Variants in AP2B1 observed in about 807,000 individuals in gnomAD.
The protein encoded by AP2B1 is adaptor related protein complex 2 subunit beta 1, also known as AP-2 complex subunit beta.
AP2B1 carries 23 observed loss-of-function variants against 102.0 expected under a neutral mutation model. That is an observed-to-expected ratio of 0.23 (90% confidence interval 0.16 to 0.32). The LOEUF (loss-of-function observed/expected upper bound fraction) is 0.32, where lower values mean the gene tolerates loss of function less well. Among genes scored for constraint, AP2B1 ranks in the 10% least tolerant of loss-of-function variants. The pLI is 1.00. For synonymous variants in AP2B1, 381 were observed against 421.2 expected (o/e 0.90, Z 1.17); for missense variants, 541 against 1,157.4 (o/e 0.47, Z 7.73).
In AP2B1 at chr17:35,726,108, C is replaced by T. The variant is rs892625169; in HGVS notation, c.*2409C>T. 1 of 152,186 alleles carries T rather than the reference C, an allele frequency of 6.6e-6. No homozygotes were observed. Among genetic ancestry groups the T allele is most frequent in the Non-Finnish European group, 1.5e-5 (1 of 68,044 alleles). The allele number at this position is 152,186 out of a possible 1,614,324, so 9.4% of individuals were successfully genotyped here. On this transcript the variant is annotated 3_prime_UTR_variant, in exon 22 of 22. Transcript: ENST00000610402. ...GGGATGGAGGTTGCCCTGCATCCCC[C>T]CTCCTCTGCCTGAGTGTGTCTTTGT...
chr17:35,720,025 A>G (rs1033793765), intron 21 of AP2B1, among the ~76,000 whole-genome samples: 18 of 152,160 alleles, frequency 1.2e-4, no homozygotes, highest in African/African-American at 4.3e-4. Context: ...GCCACCAAGT[A>G]CTTGAAAGAT....
chr17:35,675,816 T>C (rs1397040627), intron 17 of AP2B1, among the ~76,000 whole-genome samples: 1 of 151,710 alleles, frequency 6.6e-6, no homozygotes, highest in African/African-American at 2.4e-5. Context: ...ATATACTGTT[T>C]TTCTCTCTAA....
intron 13 of AP2B1, among the ~76,000 whole-genome samples, chr17:35,652,421 A>T (rs2075110165): frequency 6.6e-6 from 1 of 152,196 alleles, no homozygotes; most frequent in South Asian, 2.1e-4. Flanking sequence ...CTAGAGGTTT[A>T]AAAATACTCA....
intron 5 of AP2B1, among the ~76,000 whole-genome samples, chr17:35,608,628 C>G (rs2073764537): frequency 6.6e-6 from 1 of 152,086 alleles, no homozygotes; most frequent in South Asian, 2.1e-4. Context: ...CATATTTGCC[C>G]ATATTGCCCA....
intron 3 of AP2B1, among the ~76,000 whole-genome samples, chr17:35,601,223 G>T (rs1180160720): frequency 6.6e-6 from 1 of 152,198 alleles, no homozygotes; most frequent in African/African-American, 2.4e-5. Flanking sequence ...TAATAGTTAA[G>T]TATAATGTTT....
At chr17:35,694,451 A>G (rs904264287) in intron 18 of AP2B1, among the ~76,000 whole-genome samples, 6 of 124,346 alleles carry the variant, frequency 4.8e-5, no homozygotes, top group Admixed American at 9.4e-5. Context: ...TGTAGAGTTG[A>G]GGTCTGGCTA....
At chr17:35,633,357 C>CAAA (rs11463249) in intron 9 of AP2B1, among the ~76,000 whole-genome samples, 67 of 129,196 alleles carry the variant, frequency 5.2e-4, no homozygotes, top group Non-Finnish European at 7.1e-4. Flanking sequence ...GACTGTGTCT[C>CAAA]AAAAAAAAAA....
At chr17:35,628,242 A>G (rs1316507276) in intron 9 of AP2B1, among the ~76,000 whole-genome samples, 1 of 152,216 alleles carries the variant, frequency 6.6e-6, no homozygotes, top group Non-Finnish European at 1.5e-5. Flanking sequence ...GGATTTTGGT[A>G]TCCACAGGGG....
rs1252435583 is a variant in AP2B1 at position 35,657,613 on chromosome 17, A to G, written c.1811A>G (p.Asp604Gly). 6.2e-7 allele frequency: 1 copy of G among 1,613,354 alleles called. No individual in the cohort carries two copies. Reference sequence around the variant, plus strand: ...TGTGACTTTAGCACTGATGCAGGTGACAGCCCTGTTGGCACTACCACTGCA... The same window carrying G: ...TGTGACTTTAGCACTGATGCAGGTGGCAGCCCTGTTGGCACTACCACTGCA... ...PIHHGSTDAG[D>G]SPVGTTTATN... Residue 604 changes from aspartate (D) to glycine (G), a missense_variant, in exon 14 of 22, where the codon GAC (aspartate) becomes GGC (glycine). Asp to Gly is a moderately conservative substitution (Grantham distance 94, BLOSUM62 -1). Transcript: ENST00000610402.
At chr17:35,682,206 G>C (rs2075835704) in intron 17 of AP2B1, among the ~76,000 whole-genome samples, 1 of 150,604 alleles carries the variant, frequency 6.6e-6, no homozygotes, top group Non-Finnish European at 1.5e-5. Flanking sequence ...GGTGAGCTGA[G>C]CTGAAATCAT....
chr17:35,668,407 A>G (rs1218351583), intron 14 of AP2B1, among the ~76,000 whole-genome samples: 1 of 152,138 alleles, frequency 6.6e-6, no homozygotes, highest in Non-Finnish European at 1.5e-5. Context: ...TGCCCAGGCT[A>G]CACCCCAGAA....
intron 3 of AP2B1, among the ~76,000 whole-genome samples, chr17:35,604,592 T>C (rs1006845362): frequency 2.6e-5 from 4 of 151,794 alleles, no homozygotes; most frequent in Non-Finnish European, 5.9e-5. Context: ...ACCCCATCTC[T>C]ACTAAAAATA....
chr17:35,689,377 A>G (rs928441378), intron 18 of AP2B1, among the ~76,000 whole-genome samples: 5 of 151,834 alleles, frequency 3.3e-5, no homozygotes, highest in Admixed American at 1.3e-4. Context: ...ACGGGGTTTC[A>G]CCATGTTGGC....
At chr17:35,644,980 TGAG>T (rs2074887119) in intron 12 of AP2B1, among the ~76,000 whole-genome samples, 1 of 150,822 alleles carries the variant, frequency 6.6e-6, no homozygotes, top group Non-Finnish European at 1.5e-5. Flanking sequence ...TGCAGTGAGC[TGAG>T]ATCATGCCAC....
chr17:35,634,082 G>A (rs1414345965), intron 9 of AP2B1, among the ~76,000 whole-genome samples: 1 of 152,238 alleles, frequency 6.6e-6, no homozygotes, highest in Non-Finnish European at 1.5e-5. Context: ...AGGAGACAAA[G>A]GTTGCAGTGA....
chr17:35,717,497 G>A, intron 21 of AP2B1, 148 bp downstream of exon 21: 1 of 880,652 alleles, frequency 1.1e-6, no homozygotes, highest in Non-Finnish European at 1.7e-6. Flanking sequence ...GCTTCCATTT[G>A]CCTCAATGGA....
chr17:35,600,185 G>A (rs763640719), intron 3 of AP2B1, among the ~76,000 whole-genome samples: 3 of 151,978 alleles, frequency 2.0e-5, no homozygotes, highest in Non-Finnish European at 2.9e-5. Context: ...AGGCTCAAGC[G>A]GTTCTCCTGC....
chr17:35,663,812 G>T (rs554762784), intron 14 of AP2B1, among the ~76,000 whole-genome samples: 29 of 152,270 alleles, frequency 1.9e-4, no homozygotes, highest in African/African-American at 7.0e-4. Flanking sequence ...TATGAGTTTG[G>T]GTTAATGTGT....
At chr17:35,684,622 AG>A (rs1398455157) in intron 18 of AP2B1, among the ~76,000 whole-genome samples, 5 of 152,328 alleles carry the variant, frequency 3.3e-5, no homozygotes, top group African/African-American at 1.2e-4. Context: ...AGAAGAATAA[AG>A]CAAGGATTAC....
Sources: allele counts gnomAD v4.1 joint callset (sites outside exome capture counted in the v4.1 genomes callset), GRCh38; gene constraint gnomAD v4.1.1; transcripts MANE v1.5; gene names NCBI Gene and HGNC (gene_info 2026-07-23, HGNC 2026-07-21).